Variants in PCSK2 observed in about 807,000 individuals in gnomAD.
PCSK2 encodes the protein proprotein convertase subtilisin/kexin type 2.
Under a neutral mutation model 69.7 loss-of-function variants are expected in PCSK2, and 14 were observed. That is an observed-to-expected ratio of 0.20 (90% CI 0.13 to 0.31). The LOEUF is 0.31. Among genes scored for constraint, PCSK2 ranks in the 10% least tolerant of loss-of-function variants. The pLI, the probability that PCSK2 is intolerant of heterozygous loss-of-function variation, is 1.00. For missense variants in PCSK2, 544 were observed against 842.5 expected, an observed-to-expected ratio of 0.65 and a Z score of 4.39; for synonymous variants, 307 against 320.7, an observed-to-expected ratio of 0.96 and a Z score of 0.46.
intron 2 of PCSK2, among the ~76,000 whole-genome samples, chr20:17,319,725 C>G (rs1335069482): frequency 6.6e-6 from 1 of 152,152 alleles, no homozygotes; most frequent in Non-Finnish European, 1.5e-5. Flanking sequence ...CAACCTACCA[C>G]AGACGTATCC....
chr20:17,350,878 A>G (rs1161565318), intron 2 of PCSK2, among the ~76,000 whole-genome samples: 3 of 152,006 alleles, frequency 2.0e-5, no homozygotes, highest in Non-Finnish European at 4.4e-5. Context: ...CCCCATCTCT[A>G]TTAAAACAAA....
intron 4 of PCSK2, among the ~76,000 whole-genome samples, chr20:17,360,981 TCA>T (rs1298019650): frequency 1.3e-5 from 2 of 152,326 alleles, no homozygotes; most frequent in East Asian, 3.9e-4. Context: ...TTCTCTAGAC[TCA>T]CACTATCCAA....
At chr20:17,371,041 G>A (rs958453080) in intron 5 of PCSK2, among the ~76,000 whole-genome samples, 6 of 152,132 alleles carry the variant, frequency 3.9e-5, no homozygotes, top group Non-Finnish European at 8.8e-5. Context: ...TGCCTCACAG[G>A]GCAGCCACGT....
At chr20:17,380,106 T>C (rs896236492) in intron 5 of PCSK2, among the ~76,000 whole-genome samples, 1 of 152,206 alleles carries the variant, frequency 6.6e-6, no homozygotes, top group Non-Finnish European at 1.5e-5. Flanking sequence ...GGTGAGACCT[T>C]GAGCAAAAGC....
chr20:17,431,878 C>G (rs966311606), intron 7 of PCSK2, among the ~76,000 whole-genome samples: 5 of 152,196 alleles, frequency 3.3e-5, no homozygotes, highest in African/African-American at 1.2e-4. Context: ...ATGAGCCAAA[C>G]CCTCCAGAGA....
At chr20:17,408,628 G>A (rs1475440777) in intron 5 of PCSK2, among the ~76,000 whole-genome samples, 1 of 152,196 alleles carries the variant, frequency 6.6e-6, no homozygotes, top group Non-Finnish European at 1.5e-5. Flanking sequence ...TAGGCTATAA[G>A]TTACATAAGG....
chr20:17,428,863 G>A (rs2032303232), intron 6 of PCSK2, among the ~76,000 whole-genome samples: 1 of 151,372 alleles, frequency 6.6e-6, no homozygotes, highest in Non-Finnish European at 1.5e-5. Flanking sequence ...AGCCAGGCGT[G>A]GTGCACACAC....
At chr20:17,318,515 A>T (rs748266826) in intron 2 of PCSK2, among the ~76,000 whole-genome samples, 29 of 152,356 alleles carry the variant, frequency 1.9e-4, no homozygotes, top group Middle Eastern at 3.4e-3. Context: ...TGCATTGTAT[A>T]TGAGTTGGGT....
intron 8 of PCSK2, among the ~76,000 whole-genome samples, chr20:17,446,214 G>C (rs966170428): frequency 2.0e-5 from 3 of 152,164 alleles, no homozygotes; most frequent in Non-Finnish European, 2.9e-5. Flanking sequence ...CTCCAAGGTG[G>C]TTACACGAAA....
Position 17,369,229 on chromosome 20 carries a change from T to C in PCSK2, c.506-11T>C. 1 of 1,612,980 alleles carries C rather than the reference T, an allele frequency of 6.2e-7. No individual in the cohort carries two copies. The highest frequency in any genetic ancestry group is 8.5e-7 in the Non-Finnish European group (1 of 1,179,166). ...ACCTTTGGTTCCTGTGTTATTGTTG[T>C]CTTTTCACAGGGATTGACTATCTCC... is the stretch of plus-strand genomic sequence containing the variant. On this transcript the variant is annotated splice_polypyrimidine_tract_variant and intron_variant, in intron 4 of 11. Transcript: ENST00000262545.
intron 2 of PCSK2, among the ~76,000 whole-genome samples, chr20:17,279,376 C>G (rs1449832161): frequency 2.0e-5 from 3 of 152,166 alleles, no homozygotes; most frequent in Non-Finnish European, 2.9e-5. Flanking sequence ...TCCTCTTTCT[C>G]TCTAGAATTT....
At chr20:17,353,360 G>T (rs2030066240) in intron 2 of PCSK2, among the ~76,000 whole-genome samples, 1 of 151,932 alleles carries the variant, frequency 6.6e-6, no homozygotes. Context: ...AGCTACTCGG[G>T]TGGCTGAGGC....
chr20:17,270,896 C>A (rs1383262255), intron 2 of PCSK2, among the ~76,000 whole-genome samples: 1 of 152,042 alleles, frequency 6.6e-6, no homozygotes, highest in Non-Finnish European at 1.5e-5. Context: ...TTGAACAAAC[C>A]GTTGTTTCCC....
chr20:17,273,787 C>T (rs1431829475), intron 2 of PCSK2, among the ~76,000 whole-genome samples: 2 of 152,146 alleles, frequency 1.3e-5, no homozygotes, highest in African/African-American at 2.4e-5. Flanking sequence ...TTTCACTGTG[C>T]TACAAGTCAC....
chr20:17,413,180 A>C (rs1420488950), intron 6 of PCSK2, among the ~76,000 whole-genome samples: 1 of 152,234 alleles, frequency 6.6e-6, no homozygotes, highest in Non-Finnish European at 1.5e-5. Context: ...CACACATAAC[A>C]ATATTAACCT....
chr20:17,251,627 T>C (rs6044701), intron 1 of PCSK2, among the ~76,000 whole-genome samples: 76,806 of 152,078 alleles, frequency 0.51, 19,566 homozygotes, highest in East Asian at 0.66. Flanking sequence ...TTAACACAGC[T>C]GTGAAAGCTG....
intron 9 of PCSK2, among the ~76,000 whole-genome samples, chr20:17,455,500 C>T (rs887226898): frequency 6.6e-6 from 1 of 152,186 alleles, no homozygotes; most frequent in Admixed American, 6.5e-5. Context: ...CTCAGAATCT[C>T]TCCGTGGATT....
intron 2 of PCSK2, among the ~76,000 whole-genome samples, chr20:17,341,192 A>G (rs1218431961): frequency 6.6e-6 from 1 of 152,190 alleles, no homozygotes; most frequent in Admixed American, 6.5e-5. Flanking sequence ...GTGAGCCAAG[A>G]CCGCACCACC....
chr20:17,447,130 G>A (rs565926573), intron 8 of PCSK2, among the ~76,000 whole-genome samples: 39 of 151,980 alleles, frequency 2.6e-4, no homozygotes, highest in African/African-American at 8.7e-4. Context: ...AATTGGCTGG[G>A]CACAGTGCTA....
Sources: gnomAD v4.1 joint callset for allele counts (sites outside exome capture counted in the v4.1 genomes callset) on GRCh38, gnomAD v4.1.1 for gene constraint, MANE v1.5 for transcripts, NCBI Gene and HGNC (gene_info 2026-07-23, HGNC 2026-07-21) for gene names.